Variants in SYTL1 observed in about 807,000 individuals in gnomAD.
SYTL1 encodes the protein synaptotagmin-like protein 1.
SYTL1 carries 53 observed loss-of-function variants against 74.6 expected under a neutral mutation model. That is an observed-to-expected ratio of 0.71 (90% CI 0.57 to 0.89). SYTL1 has a LOEUF of 0.89. Ranked by LOEUF, SYTL1 falls within the 40% of genes least tolerant of loss-of-function variation. SYTL1 has a pLI of 0.00. For synonymous variants in SYTL1, 329 were observed against 324.9 expected (o/e 1.01, Z -0.14); for missense variants, 728 against 768.7 (o/e 0.95, Z 0.63).
intron 13 of SYTL1, chr1:27,352,691 A>T (rs976865275): frequency 6.5e-6 from 1 of 152,784 alleles, no homozygotes; most frequent in African/African-American, 2.4e-5. Flanking sequence ...GGGTTTCACC[A>T]TGTTAACCAG....
Position 27,350,749 on chromosome 1 carries a change from C to T in SYTL1, c.1006-45C>T. On this transcript the variant is annotated intron_variant, in intron 10 of 14. Transcript: ENST00000616558. This position sits in a 1 kb window ranked among gnomAD's most constrained non-coding sequence, Gnocchi z 6.3. ...TCAGCCAACTCGCGCAGCATCTACG[C>T]GGGCCACCAGCAGTGCTCCACTAAA... 6.3e-7 allele frequency: 1 copy of T among 1,599,336 alleles called. No individual in the cohort carries two copies. The highest frequency in any genetic ancestry group is 1.3e-5 in the African/African-American group (1 of 74,828).
chr1:27,348,072 G>A lies in SYTL1; in HGVS notation c.459+60G>A. 1.3e-6 allele frequency: 2 copies of A among 1,555,612 alleles called. No individual in the cohort carries two copies. Among genetic ancestry groups the A allele is most frequent in the South Asian group, 2.2e-5 (2 of 89,760 alleles). ...CCTGGAGGGGAGGTGGAATGTGCAG[G>A]GGGCAGGGGGGAAAGAGCCCCAGCC... On this transcript the variant is annotated intron_variant, in intron 5 of 14. Transcript: ENST00000616558. This position sits in a 1 kb window ranked among gnomAD's most constrained non-coding sequence, Gnocchi z 4.1.
intron 8 of SYTL1, 98 bp from the exon 9 acceptor site, chr1:27,349,874 C>G (rs1232185012): frequency 2.6e-6 from 4 of 1,535,060 alleles, no homozygotes; most frequent in Non-Finnish European, 3.5e-6. Context: ...AGCCCCCCAG[C>G]CTGCCACCTA....
In SYTL1 at chr1:27,351,022, C is replaced by T. The variant is rs913021642; in HGVS notation, c.1164+70C>T. 1.8e-5 allele frequency: 28 copies of T among 1,561,200 alleles called. No homozygotes were observed. The highest frequency in any genetic ancestry group is 2.4e-5 in the Non-Finnish European group (28 of 1,144,762). On this transcript the variant is annotated intron_variant, in intron 11 of 14. Transcript: ENST00000616558. This position sits in a 1 kb window ranked among gnomAD's most constrained non-coding sequence, Gnocchi z 5.0. ...CTGCATTTACCCCACCAGGCTCTCC[C>T]GCAGCCCCCTCACACCCCGCCTTCG...
In SYTL1 at chr1:27,353,694, C is replaced by T. The variant is rs1014163343; in HGVS notation, c.1550-19C>T. 2.5e-6 allele frequency: 4 copies of T among 1,607,962 alleles called. No homozygotes were observed. Among genetic ancestry groups the T allele is most frequent in the Non-Finnish European group, 2.6e-6 (3 of 1,176,316 alleles). On this transcript the variant is annotated intron_variant, in intron 14 of 14. Transcript: ENST00000616558. ...GTCCAGTGTGATCATGCCCTCAACC[C>T]CTGCCCACCCACATCCAGGCAGCAG...
rs2014969055 is a variant in SYTL1, at chr1:27,345,623, G to A, written c.191+98G>A. 9.1e-6 allele frequency: 8 copies of A among 879,846 alleles called. No individual in the cohort carries two copies. Among genetic ancestry groups the A allele is most frequent in the Non-Finnish European group, 1.3e-5 (8 of 593,594 alleles). The allele number at this position is 879,846 out of a possible 1,614,324, so 54.5% of individuals were successfully genotyped here. A position where few individuals can be genotyped will look rare whatever the true frequency, so the allele number is the denominator to read the frequency against. On this transcript the variant is annotated intron_variant, in intron 2 of 14. Coordinates refer to ENST00000616558, the MANE Select transcript of SYTL1 (RefSeq NM_001193308.2). The surrounding 1 kb of genome is among the most constrained non-coding windows in gnomAD (Gnocchi z 6.0). ...CCACTGCCTGTCAGATGTCTGCGTG[G>A]TTCTTGGTTTTGCCCTTCAGTCTCC...
intron 5 of SYTL1, 40 bp from the exon 6 acceptor site, chr1:27,349,040 C>T (rs373499083): frequency 3.7e-5 from 56 of 1,506,914 alleles, no homozygotes; most frequent in Middle Eastern, 1.7e-4. Flanking sequence ...TCTTCCTCAC[C>T]AGCCCCCGTA....
At position 27,351,418 on chromosome 1, in the gene SYTL1, T is replaced by G; in HGVS notation, c.1244-38T>G. 6.6e-7 allele frequency: 1 copy of G among 1,505,696 alleles called. No individual in the cohort carries two copies. Among genetic ancestry groups the G allele is most frequent in the Non-Finnish European group, 8.9e-7 (1 of 1,121,714 alleles). 93.3% of individuals were successfully genotyped at this position (1,505,696 alleles called of 1,614,324 possible). A position where few individuals can be genotyped will look rare whatever the true frequency, so the allele number is the denominator to read the frequency against. On this transcript the variant is annotated intron_variant, in intron 12 of 14. Transcript: ENST00000616558. This position sits in a 1 kb window ranked among gnomAD's most constrained non-coding sequence, Gnocchi z 5.0. ...GTCCCCGGGTTTGGGGGCGGTGGAC[T>G]CCATCCGTGTGCGGGCCTGAGCCGA...
chr1:27,353,278 C>T lies in SYTL1; in HGVS notation c.1344-5C>T, dbSNP rs1347693570. On this transcript the variant is annotated splice_region_variant and splice_polypyrimidine_tract_variant and intron_variant, in intron 13 of 14. Transcript: ENST00000616558. ...TCACCTGATGCCAGGCCACCTCCCG[C>T]ACAGCTTCGTGCTGCCTGATGACAG... The T allele has an allele frequency of 6.3e-7, 1 of 1,583,870 alleles. No homozygotes were observed. Among genetic ancestry groups the T allele is most frequent in the Non-Finnish European group, 8.6e-7 (1 of 1,165,180 alleles).
Position 27,343,014 on chromosome 1 carries a change from G to A in SYTL1, c.-39+864G>A, listed in dbSNP as rs1319325082. Among the ~76,000 whole-genome samples, 1 of 152,262 alleles carries A rather than the reference G, an allele frequency of 6.6e-6. No individual in the cohort carries two copies. The highest frequency in any genetic ancestry group is 1.5e-5 in the Non-Finnish European group (1 of 68,048). On this transcript the variant is annotated intron_variant, in intron 1 of 14. Transcript: ENST00000616558. The surrounding 1 kb of genome is among the most constrained non-coding windows in gnomAD (Gnocchi z 5.2). ...CCTTCTGCTCCTGAGGGTGTCAAGA[G>A]GGATCGCTGGGGCTCGGCCACTGAC...
chr1:27,343,513 T>C lies in SYTL1; in HGVS notation c.-39+1363T>C, dbSNP rs555213906. On this transcript the variant is annotated intron_variant, in intron 1 of 14. Coordinates refer to ENST00000616558, the MANE Select transcript of SYTL1 (RefSeq NM_001193308.2). The surrounding 1 kb of genome is among the most constrained non-coding windows in gnomAD (Gnocchi z 5.2). ...GGTTGCCTCAGACAGGAAGGCCAAG[T>C]GGGCCAGGGCAGGGTGGAGGTGGTG... Among the ~76,000 whole-genome samples the C allele has an allele frequency of 2.6e-5, 4 of 151,684 alleles. No homozygotes were observed. The East Asian group carries it at 7.8e-4, about 30-fold the overall frequency.
At position 27,351,404 on chromosome 1, in the gene SYTL1, T is replaced by TG; in HGVS notation, c.1244-47dup. On this transcript the variant is annotated intron_variant, in intron 12 of 14. Transcript: ENST00000616558. The surrounding 1 kb of genome is among the most constrained non-coding windows in gnomAD (Gnocchi z 5.0). ...AGCGGGAGACTCCAGTCCCCGGGTT[T>TG]GGGGGCGGTGGACTCCATCCGTGTG... The TG allele has an allele frequency of 6.6e-7, 1 of 1,504,658 alleles. No homozygotes were observed. The allele number at this position is 1,504,658 out of a possible 1,614,324, so 93.2% of individuals were successfully genotyped here.
chr1:27,349,575 C>A (rs746455885), intron 7 of SYTL1, 77 bp downstream of exon 7: 2 of 1,507,968 alleles, frequency 1.3e-6, no homozygotes, highest in East Asian at 2.5e-5. Context: ...CCCAGGGCTG[C>A]GAGCCGCCCG....
chr1:27,353,878 C>T lies in SYTL1; in HGVS notation c.*26C>T. 1 of 1,603,868 alleles carries T rather than the reference C, an allele frequency of 6.2e-7. No homozygotes were observed. Among genetic ancestry groups the T allele is most frequent in the East Asian group, 2.2e-5 (1 of 44,714 alleles). ...CCCCACCAAGCCTCTCTCTCTGGAC[C>T]CCCATCTCAGGGCCTGCCCTTGGCT... is the stretch of plus-strand genomic sequence containing the variant. On this transcript the variant is annotated 3_prime_UTR_variant, in exon 15 of 15. Transcript: ENST00000616558.
At position 27,350,410 on chromosome 1, in the gene SYTL1, C is replaced by T. The variant is rs146506040; in HGVS notation, c.930C>T (p.Leu310=). 2.3e-5 allele frequency: 37 copies of T among 1,614,036 alleles called. No individual in the cohort carries two copies. In the African/African-American group the frequency reaches 4.0e-4, roughly 17 times the overall value. The change falls in exon 10 of 15, where the codon CTC becomes CTT. Residue 310 remains leucine, a synonymous_variant. Coordinates refer to ENST00000616558, the MANE Select transcript of SYTL1 (RefSeq NM_001193308.2). This position sits in a 1 kb window ranked among gnomAD's most constrained non-coding sequence, Gnocchi z 6.3. ...RSDPYVKSYL[L]PDKQSKRKTA... is the part of the protein sequence containing the mutation. The stretch of plus-strand genomic sequence containing the variant: ...CCAGCTACGTCAAAAGCTACCTCCT[C>T]CCGGATAAGCAGAGCAAGCGCAAGA...
At chr1:27,353,555 G>T in intron 14 of SYTL1, 67 bp downstream of exon 14, 1 of 1,543,306 alleles carries the variant, frequency 6.5e-7, no homozygotes, top group Non-Finnish European at 8.8e-7. Flanking sequence ...TCAGTGTGTG[G>T]CCCTGGATAC....
rs2015193062 is a variant in SYTL1, at chr1:27,350,103, GGCCGCCGCCC to G, written c.881_890del (p.Ala294GlyfsTer25). ...TGCACGTGATCCAGTGCCAGGGCCT[GGCCGCCGCCC>G]GGCGCCGCCGCTCGGACCCGTGAGT... On this transcript the variant is annotated frameshift_variant, in exon 9 of 15. Transcript: ENST00000616558. LOFTEE classifies it high-confidence loss of function. This position sits in a 1 kb window ranked among gnomAD's most constrained non-coding sequence, Gnocchi z 6.3. The G allele has an allele frequency of 7.1e-7, 1 of 1,407,428 alleles. No individual in the cohort carries two copies. The allele number at this position is 1,407,428 out of a possible 1,614,324, so 87.2% of individuals were successfully genotyped here.
chr1:27,349,784 G>C lies in SYTL1; in HGVS notation c.747+19G>C. ...CTCCACGGTGAGGCGGGAGGGAGGG[G>C]ACCCGGGCGGCCGGGGGGTGGACCC... On this transcript the variant is annotated intron_variant, in intron 8 of 14. Transcript: ENST00000616558. 6.3e-7 allele frequency: 1 copy of C among 1,579,316 alleles called. No individual in the cohort carries two copies. Among genetic ancestry groups the C allele is most frequent in the Admixed American group, 1.8e-5 (1 of 57,120 alleles).
intron 13 of SYTL1, chr1:27,352,869 G>A (rs778376498): frequency 2.0e-4 from 40 of 203,188 alleles, no homozygotes; most frequent in Middle Eastern, 2.1e-3. Flanking sequence ...CACTGCAGCC[G>A]CAGTCTCCTG....
Sources: allele counts gnomAD v4.1 joint callset (sites outside exome capture counted in the v4.1 genomes callset), GRCh38; gene constraint gnomAD v4.1.1; non-coding constraint Gnocchi (gnomAD v3.1); transcripts MANE v1.5; gene names NCBI Gene and HGNC (gene_info 2026-07-23, HGNC 2026-07-21).